The following CYFIP2 variants were observed in gnomAD, a reference collection of about 807,000 sequenced individuals.
CYFIP2 encodes the protein cytoplasmic FMR1 interacting protein 2.
In CYFIP2, 29 loss-of-function variants were observed where a neutral mutation model predicts 158.7. The ratio of observed to expected loss-of-function variants is 0.18; its 90% confidence interval spans 0.14 to 0.25. The LOEUF (loss-of-function observed/expected upper bound fraction) is 0.25, where lower values mean the gene tolerates loss of function less well. Among genes scored for constraint, CYFIP2 ranks in the 10% least tolerant of loss-of-function variants. The pLI is 1.00. For missense variants in CYFIP2, 852 were observed against 1,639.5 expected, an observed-to-expected ratio of 0.52 and a Z score of 8.29; for synonymous variants, 585 against 617.6, an observed-to-expected ratio of 0.95 and a Z score of 0.78.
At chr5:157,387,685 T>C (rs1766835191) in intron 28 of CYFIP2, among the ~76,000 whole-genome samples, 1 of 152,064 alleles carries the variant, frequency 6.6e-6, no homozygotes, top group Non-Finnish European at 1.5e-5. Flanking sequence ...TTTTTTTTTT[T>C]TTTTTAACAC....
intron 26 of CYFIP2, among the ~76,000 whole-genome samples, chr5:157,367,041 TTCTTCTCTCCTTATTA>T (rs1187151786): frequency 2.0e-5 from 3 of 152,316 alleles, no homozygotes; most frequent in Middle Eastern, 3.4e-3. Context: ...TCTCTGTTAC[TTCTTCTCTCCTTATTA>T]GAGTGGACCA....
intron 15 of CYFIP2, chr5:157,323,130 T>C (rs1760740348): frequency 3.0e-6 from 3 of 1,000,506 alleles, no homozygotes; most frequent in South Asian, 2.9e-5. Context: ...AGACAAATGA[T>C]GTGGAGAGAT....
chr5:157,317,844 A>G (rs963366014), intron 13 of CYFIP2, among the ~76,000 whole-genome samples: 7 of 152,154 alleles, frequency 4.6e-5, no homozygotes, highest in South Asian at 2.1e-4. Context: ...TCATTTGATG[A>G]GTTTTGGTAT....
rs971676066 is a variant in CYFIP2 at position 157,288,468 on chromosome 5, T to A, written c.207+1360T>A. On this transcript the variant is annotated intron_variant, in intron 3 of 30. Coordinates refer to ENST00000620254, the MANE Select transcript of CYFIP2 (RefSeq NM_001037333.3). The stretch of plus-strand genomic sequence containing the variant: ...TGACAAACCCTGCTCATTCATTCAA[T>A]AAGTATTGTGTGGCTGGTGCCCTCA... 5.3e-5 allele frequency: 20 copies of A among 377,308 alleles called. No individual in the cohort carries two copies. In the Admixed American group the frequency reaches 6.0e-4, roughly 11 times the overall value. The allele number at this position is 377,308 out of a possible 1,614,324, so 23.4% of individuals were successfully genotyped here.
chr5:157,300,980 C>A, intron 6 of CYFIP2, 84 bp downstream of exon 6: 3 of 1,225,202 alleles, frequency 2.4e-6, no homozygotes, highest in South Asian at 1.8e-5. Flanking sequence ...GAGAATGGAG[C>A]CCCTCTCACC....
chr5:157,393,021 T>G lies in CYFIP2; in HGVS notation c.*21T>G. 1 of 1,610,756 alleles carries G rather than the reference T, an allele frequency of 6.2e-7. No homozygotes were observed. Among genetic ancestry groups the G allele is most frequent in the East Asian group, 2.2e-5 (1 of 44,816 alleles). ...GCTAAGCAGAAGATCCTGCAGACCC[T>G]TATCTGGAGGAGGAAGAGAAGCAGG... is the stretch of plus-strand genomic sequence containing the variant. On this transcript the variant is annotated 3_prime_UTR_variant, in exon 31 of 31. Coordinates refer to ENST00000620254, the MANE Select transcript of CYFIP2 (RefSeq NM_001037333.3).
At chr5:157,355,041 G>A (rs574122647) in intron 23 of CYFIP2, among the ~76,000 whole-genome samples, 55 of 152,138 alleles carry the variant, frequency 3.6e-4, no homozygotes, top group African/African-American at 1.2e-3. Flanking sequence ...CCCTTGATGG[G>A]ACCCCTTATA....
Position 157,373,204 on chromosome 5 carries a change from G to C in CYFIP2, c.3040-9386G>C, listed in dbSNP as rs551119908. ...TATCTATTATTACCACTCTCTGCCT[G>C]GCTGCACAACCCAACCACATGGCAT... On this transcript the variant is annotated intron_variant, in intron 26 of 30. Transcript: ENST00000620254. Among the ~76,000 whole-genome samples the C allele has an allele frequency of 3.3e-5, 5 of 152,250 alleles. No individual in the cohort carries two copies. The East Asian group carries it at 9.6e-4, about 29-fold the overall frequency.
chr5:157,337,985 G>C (rs764505160), intron 21 of CYFIP2, among the ~76,000 whole-genome samples: 1 of 152,210 alleles, frequency 6.6e-6, no homozygotes, highest in Non-Finnish European at 1.5e-5. Context: ...TCCCCTCTCT[G>C]AATGAGGGAC....
intron 26 of CYFIP2, among the ~76,000 whole-genome samples, chr5:157,362,093 G>C (rs746674301): frequency 5.3e-5 from 8 of 152,268 alleles, no homozygotes; most frequent in Non-Finnish European, 1.2e-4. Context: ...TCGTCTTGAA[G>C]TGGGTGGGGG....
chr5:157,342,770 G>T, intron 23 of CYFIP2: 1 of 1,269,164 alleles, frequency 7.9e-7, no homozygotes, highest in Non-Finnish European at 1.1e-6. Context: ...TTTGATGGGA[G>T]AGAAATGGGT....
chr5:157,375,624 ATTTTT>A (rs1024463244), intron 26 of CYFIP2: 1 of 123,014 alleles, frequency 8.1e-6, no homozygotes, highest in African/African-American at 3.1e-5. Context: ...TAAAACGTTG[ATTTTT>A]TTTTGCGATT....
intron 23 of CYFIP2, among the ~76,000 whole-genome samples, chr5:157,351,035 C>G (rs543630744): frequency 6.6e-6 from 1 of 151,980 alleles, no homozygotes; most frequent in South Asian, 2.1e-4. Flanking sequence ...CTTGGATGCC[C>G]TTTATTTCTT....
chr5:157,333,228 C>G, intron 20 of CYFIP2, 99 bp from the exon 21 acceptor site: 4 of 1,500,760 alleles, frequency 2.7e-6, no homozygotes, highest in Admixed American at 1.7e-5. Flanking sequence ...CAGTCTCACT[C>G]CCACCTTGGT....
At chr5:157,366,601 C>T (rs1475282791) in intron 26 of CYFIP2, among the ~76,000 whole-genome samples, 1 of 152,144 alleles carries the variant, frequency 6.6e-6, no homozygotes, top group African/African-American at 2.4e-5. Context: ...CTTGAAAAGA[C>T]CTTCTTCCTG....
chr5:157,382,512 C>T, intron 26 of CYFIP2, 78 bp from the exon 27 acceptor site: 1 of 1,496,574 alleles, frequency 6.7e-7, no homozygotes, highest in Non-Finnish European at 9.2e-7. Context: ...AACTCCAGTG[C>T]TCAGGTTTTT....
rs540004237 is a variant in CYFIP2 at position 157,320,805 on chromosome 5, A to G, written c.1671+3A>G. ...CTGTGGGGCCATCCAGCACACAGGT[A>G]AGCGGCTCCAGGCACAGGCCAGCTG... On this transcript the variant is annotated splice_donor_region_variant and intron_variant, in intron 15 of 30. Transcript: ENST00000620254. The G allele has an allele frequency of 1.3e-5, 21 of 1,571,852 alleles. No individual in the cohort carries two copies. The highest frequency in any genetic ancestry group is 1.8e-5 in the Admixed American group (1 of 54,276).
Position 157,341,054 on chromosome 5 carries a change from C to A in CYFIP2, c.2586-16C>A, listed in dbSNP as rs758505161. 1.2e-6 allele frequency: 2 copies of A among 1,611,032 alleles called. No individual in the cohort carries two copies. The highest frequency in any genetic ancestry group is 1.7e-6 in the Non-Finnish European group (2 of 1,177,318). ...AGGACCATATTAACTCTTTCCCATC[C>A]CTATGCTTCTACTAGTTTTGTGCGG... On this transcript the variant is annotated splice_polypyrimidine_tract_variant and intron_variant, in intron 22 of 30. Coordinates refer to ENST00000620254, the MANE Select transcript of CYFIP2 (RefSeq NM_001037333.3).
chr5:157,388,132 CTTT>C (rs1186153191), intron 28 of CYFIP2, among the ~76,000 whole-genome samples: 3 of 152,168 alleles, frequency 2.0e-5, no homozygotes, highest in African/African-American at 7.2e-5. Context: ...AGAAGCCTGC[CTTT>C]TTTAGCTTTG....
Sources: allele counts gnomAD v4.1 joint callset (sites outside exome capture counted in the v4.1 genomes callset), GRCh38; gene constraint gnomAD v4.1.1; transcripts MANE v1.5; gene names NCBI Gene and HGNC (gene_info 2026-07-23, HGNC 2026-07-21).